The following DPYSL2 variants were observed in gnomAD, a reference collection of about 807,000 sequenced individuals.
DPYSL2 encodes dihydropyrimidinase-related protein 2.
Under a neutral mutation model 69.9 loss-of-function variants are expected in DPYSL2, and 13 were observed. The ratio of observed to expected loss-of-function variants is 0.19; its 90% CI spans 0.12 to 0.30. DPYSL2 has a LOEUF of 0.30. Ranked by LOEUF, DPYSL2 falls within the 10% of genes least tolerant of loss-of-function variation. DPYSL2 has a pLI of 1.00. For synonymous variants in DPYSL2, 326 were observed against 359.1 expected, an observed-to-expected ratio of 0.91 and a Z score of 1.04; for missense variants, 587 against 918.9, an observed-to-expected ratio of 0.64 and a Z score of 4.67.
Position 26,626,081 on chromosome 8 carries a change from A to G in DPYSL2, c.794-536A>G, listed in dbSNP as rs776549254. On this transcript the variant is annotated intron_variant, in intron 4 of 13. Coordinates refer to ENST00000521913, the MANE Select transcript of DPYSL2 (RefSeq NM_001197293.3). The surrounding 1 kb of genome is among the most constrained non-coding windows in gnomAD (Gnocchi z 4.3). ...AGGGACCTCATACAAGTGGAATCATATAGTATTTGTCCTTTTGCAACTGGC... is the reference window on the plus strand; with the variant it reads ...AGGGACCTCATACAAGTGGAATCATGTAGTATTTGTCCTTTTGCAACTGGC... 1.2e-4 allele frequency among the ~76,000 whole-genome samples: 19 copies of G among 152,164 alleles called. No homozygotes were observed. Among genetic ancestry groups the G allele is most frequent in the Non-Finnish European group, 2.2e-4 (15 of 68,048 alleles).
intron 1 of DPYSL2, chr8:26,578,513 A>G (rs1445316098): frequency 1.3e-5 from 19 of 1,425,064 alleles, no homozygotes; most frequent in Non-Finnish European, 1.6e-5. Context: ...CAGGAGCGCG[A>G]GTGCACGAAG....
At chr8:26,594,439 C>A (rs567286510) in intron 3 of DPYSL2, among the ~76,000 whole-genome samples, 1 of 152,054 alleles carries the variant, frequency 6.6e-6, no homozygotes, top group South Asian at 2.1e-4. Context: ...ACGAAATGAT[C>A]GTCTACCAAA....
chr8:26,607,893 C>A (rs544006538), intron 3 of DPYSL2, among the ~76,000 whole-genome samples: 153 of 152,072 alleles, frequency 1.0e-3, no homozygotes, highest in African/African-American at 3.6e-3. Context: ...TCCTGGCTAA[C>A]ACGGTGAAAC....
intron 1 of DPYSL2, among the ~76,000 whole-genome samples, chr8:26,521,835 A>G (rs1808390295): frequency 6.6e-6 from 1 of 152,116 alleles, no homozygotes. Flanking sequence ...AGGTTCATCT[A>G]TGTTGTAACA....
chr8:26,622,158 C>CTTCCCTCCCTCCCTCTCT (rs1554544255), intron 3 of DPYSL2, among the ~76,000 whole-genome samples: 1 of 36,356 alleles, frequency 2.8e-5, no homozygotes, highest in Non-Finnish European at 6.0e-5. Context: ...TCCTTCCTTC[C>CTTCCCTCCCTCCCTCTCT]CTCTCTCTCT....
intron 3 of DPYSL2, among the ~76,000 whole-genome samples, chr8:26,592,395 C>T (rs1317623183): frequency 6.6e-6 from 1 of 152,030 alleles, no homozygotes; most frequent in East Asian, 1.9e-4. Flanking sequence ...TCCGTTGATC[C>T]TCCTGCCTTG....
chr8:26,548,913 G>A (rs1180701908), intron 1 of DPYSL2, among the ~76,000 whole-genome samples: 1 of 151,890 alleles, frequency 6.6e-6, no homozygotes, highest in Non-Finnish European at 1.5e-5. Flanking sequence ...AATAGGCCGG[G>A]CGCAGTGGCT....
At chr8:26,596,620 G>A (rs1465143908) in intron 3 of DPYSL2, among the ~76,000 whole-genome samples, 1 of 152,198 alleles carries the variant, frequency 6.6e-6, no homozygotes, top group African/African-American at 2.4e-5. Flanking sequence ...TCTGTGGGAC[G>A]CAAGCCCTGC....
At chr8:26,633,879 AG>A (rs1292538049) in intron 7 of DPYSL2, among the ~76,000 whole-genome samples, 3 of 152,256 alleles carry the variant, frequency 2.0e-5, no homozygotes, top group African/African-American at 7.2e-5. Context: ...CTTCACACAC[AG>A]GGGGCCATTG....
At chr8:26,575,757 A>T (rs1585517800) in intron 1 of DPYSL2, among the ~76,000 whole-genome samples, 1 of 152,204 alleles carries the variant, frequency 6.6e-6, no homozygotes, top group South Asian at 2.1e-4. Context: ...AACAACAGGG[A>T]CGGGGGTAGG....
At chr8:26,607,772 C>G (rs951324087) in intron 3 of DPYSL2, among the ~76,000 whole-genome samples, 1 of 151,226 alleles carries the variant, frequency 6.6e-6, no homozygotes. Context: ...AAGCAAGACC[C>G]TGTGTCAAAA....
intron 11 of DPYSL2, among the ~76,000 whole-genome samples, chr8:26,651,809 C>T (rs1455694395): frequency 2.6e-5 from 4 of 152,102 alleles, no homozygotes; most frequent in African/African-American, 4.8e-5. Flanking sequence ...TTAACCACAC[C>T]GCAAACAGAC....
At chr8:26,631,412 T>C (rs1802770355) in intron 7 of DPYSL2, among the ~76,000 whole-genome samples, 1 of 152,152 alleles carries the variant, frequency 6.6e-6, no homozygotes, top group Non-Finnish European at 1.5e-5. Context: ...ACTCACTCAT[T>C]ATCACAAGAT....
chr8:26,577,154 G>T (rs1342462379), intron 1 of DPYSL2: 1 of 447,436 alleles, frequency 2.2e-6, no homozygotes, highest in South Asian at 1.6e-5. Flanking sequence ...TTTCCTCAGG[G>T]CTCTCATTTC....
chr8:26,622,766 T>C (rs546332319), intron 3 of DPYSL2, among the ~76,000 whole-genome samples: 36 of 152,342 alleles, frequency 2.4e-4, no homozygotes, highest in Non-Finnish European at 4.7e-4. Context: ...CCTCCCAAAG[T>C]GCAACGGCTA....
At chr8:26,618,803 C>T (rs367720020) in intron 3 of DPYSL2, among the ~76,000 whole-genome samples, 2 of 126,038 alleles carry the variant, frequency 1.6e-5, no homozygotes, top group African/African-American at 5.9e-5. Flanking sequence ...AAAAAAAATA[C>T]AAAAATTAGC....
At chr8:26,538,242 C>A (rs1225995643) in intron 1 of DPYSL2, among the ~76,000 whole-genome samples, 1 of 152,042 alleles carries the variant, frequency 6.6e-6, no homozygotes, top group Admixed American at 6.6e-5. Context: ...CTAGGAGGCA[C>A]CAGTGCTTAT....
Position 26,614,514 on chromosome 8 carries a change from A to G in DPYSL2, c.629-9629A>G, listed in dbSNP as rs1028720069. On this transcript the variant is annotated intron_variant, in intron 3 of 13. Coordinates refer to ENST00000521913, the MANE Select transcript of DPYSL2 (RefSeq NM_001197293.3). This position sits in a 1 kb window ranked among gnomAD's most constrained non-coding sequence, Gnocchi z 4.9. ...ACTGGATTGTTGGCATTTTAAGGGC[A>G]CAGTTTGTATCTTCTACCTCTTTGT... 2.0e-5 allele frequency among the ~76,000 whole-genome samples: 3 copies of G among 152,182 alleles called. No individual in the cohort carries two copies. The highest frequency in any genetic ancestry group is 7.2e-5 in the African/African-American group (3 of 41,442).
intron 1 of DPYSL2, among the ~76,000 whole-genome samples, chr8:26,530,113 C>CAAAAAAAA (rs34448431): frequency 4.2e-5 from 3 of 72,034 alleles, no homozygotes; most frequent in Non-Finnish European, 7.3e-5. Context: ...ACTCCGTCTC[C>CAAAAAAAA]AAAAAAAAAA....
Sources: allele counts gnomAD v4.1 joint callset (sites outside exome capture counted in the v4.1 genomes callset), GRCh38; gene constraint gnomAD v4.1.1; non-coding constraint Gnocchi (gnomAD v3.1); transcripts MANE v1.5; gene names NCBI Gene and HGNC (gene_info 2026-07-23, HGNC 2026-07-21).